The following NDST4 variants were observed in gnomAD, a reference collection of about 807,000 sequenced individuals.
NDST4 encodes N-deacetylase and N-sulfotransferase 4, also known as N-heparan sulfate sulfotransferase 4.
A neutral mutation model predicts 100.8 loss-of-function variants in NDST4; 63 were observed. That is an observed-to-expected ratio of 0.62 (90% CI 0.51 to 0.77). The LOEUF (loss-of-function observed/expected upper bound fraction) is 0.77, where lower values mean the gene tolerates loss of function less well. NDST4 is among the 30% of genes least tolerant of loss of function. NDST4 has a pLI of 0.00. For synonymous variants in NDST4, 377 were observed against 361.8 expected, an observed-to-expected ratio of 1.04 and a Z score of -0.48; for missense variants, 943 against 1,018.4, an observed-to-expected ratio of 0.93 and a Z score of 1.01.
chr4:115,035,324 T>C (rs1270813387), intron 2 of NDST4, among the ~76,000 whole-genome samples: 3 of 152,062 alleles, frequency 2.0e-5, no homozygotes, highest in Non-Finnish European at 4.4e-5. Context: ...AGATAGAATT[T>C]CATTATGTGA....
intron 2 of NDST4, among the ~76,000 whole-genome samples, chr4:115,029,137 A>C (rs1728053219): frequency 6.6e-6 from 1 of 152,142 alleles, no homozygotes; most frequent in African/African-American, 2.4e-5. Flanking sequence ...TTTCAAATCA[A>C]GGGTAGATTA....
At chr4:115,094,383 G>A (rs910846302) in intron 1 of NDST4, among the ~76,000 whole-genome samples, 2 of 152,010 alleles carry the variant, frequency 1.3e-5, no homozygotes, top group Admixed American at 6.6e-5. Context: ...AATGATAAGA[G>A]TAATAGCTGT....
Position 114,937,503 on chromosome 4 carries a change from C to G in NDST4, c.1222G>C (p.Glu408Gln), listed in dbSNP as rs1213882846. ...QMILNKEFAL[E>Q]HGIPINMGYA... ...CCCATGTTGATTGGTATTCCATGTT[C>G]CTAAAACAAAGCCAGAACAACATCA... The change falls in exon 5 of 14, where the codon GAA (glutamate) becomes CAA (glutamine). Residue 408 changes from glutamate to glutamine, a missense_variant and splice_region_variant. This residue lies in a region of NDST4 where 526 missense variants were observed against 634.1 expected (regional missense o/e 0.83). Coordinates refer to ENST00000264363, the MANE Select transcript of NDST4 (RefSeq NM_022569.3). The G allele has an allele frequency of 6.5e-7, 1 of 1,543,062 alleles. No individual in the cohort carries two copies. The highest frequency in any genetic ancestry group is 1.4e-5 in the African/African-American group (1 of 72,132).
intron 6 of NDST4, among the ~76,000 whole-genome samples, chr4:114,886,127 A>G (rs1412950695): frequency 6.6e-6 from 1 of 152,130 alleles, no homozygotes; most frequent in African/African-American, 2.4e-5. Flanking sequence ...TTTTTCTAAT[A>G]TATTTATAAT....
At chr4:114,843,039 A>T (rs1412366018) in intron 10 of NDST4, among the ~76,000 whole-genome samples, 7 of 152,106 alleles carry the variant, frequency 4.6e-5, no homozygotes, top group Non-Finnish European at 7.4e-5. Context: ...GTAGTACTAG[A>T]CTCATCAAAT....
intron 1 of NDST4, among the ~76,000 whole-genome samples, chr4:115,090,680 C>G (rs1729499645): frequency 6.6e-6 from 1 of 151,878 alleles, no homozygotes; most frequent in Non-Finnish European, 1.5e-5. Context: ...TTTTTCAACA[C>G]TAGAGGGCAA....
intron 1 of NDST4, among the ~76,000 whole-genome samples, chr4:115,092,506 G>A (rs144322177): frequency 3.0e-4 from 46 of 152,042 alleles, no homozygotes; most frequent in Middle Eastern, 6.8e-3. Context: ...TATAGAATAC[G>A]GTAATAATAA....
At chr4:115,012,116 T>C (rs978745280) in intron 2 of NDST4, among the ~76,000 whole-genome samples, 3 of 151,546 alleles carry the variant, frequency 2.0e-5, no homozygotes, top group African/African-American at 4.8e-5. Flanking sequence ...AATAAAACAA[T>C]AACAAAAAAT....
At chr4:115,081,744 C>A (rs1430970689) in intron 1 of NDST4, among the ~76,000 whole-genome samples, 2 of 152,184 alleles carry the variant, frequency 1.3e-5, no homozygotes, top group East Asian at 3.9e-4. Flanking sequence ...TAATTAGTTT[C>A]TTCTTCAGGA....
chr4:115,104,219 A>G (rs147363089), intron 1 of NDST4, among the ~76,000 whole-genome samples: 112 of 152,280 alleles, frequency 7.4e-4, no homozygotes, highest in African/African-American at 2.6e-3. Flanking sequence ...TATAGTTTAT[A>G]TCTTTTTACT....
chr4:115,022,920 G>A (rs1453103604), intron 2 of NDST4, among the ~76,000 whole-genome samples: 2 of 152,180 alleles, frequency 1.3e-5, no homozygotes, highest in African/African-American at 4.8e-5. Flanking sequence ...ACGTAGAACT[G>A]AAAGACCATT....
intron 2 of NDST4, among the ~76,000 whole-genome samples, chr4:114,987,074 T>A (rs1420553981): frequency 6.6e-6 from 1 of 151,860 alleles, no homozygotes; most frequent in Non-Finnish European, 1.5e-5. Flanking sequence ...TAGTTAGGAT[T>A]TCTTTGAAAA....
intron 6 of NDST4, among the ~76,000 whole-genome samples, chr4:114,924,498 T>A (rs570068361): frequency 1.3e-5 from 2 of 148,908 alleles, no homozygotes; most frequent in South Asian, 2.2e-4. Flanking sequence ...TGAGTGGAAA[T>A]AGAATTTTCC....
chr4:115,111,196 G>A (rs977430629), intron 1 of NDST4, among the ~76,000 whole-genome samples: 1 of 151,946 alleles, frequency 6.6e-6, no homozygotes, highest in Non-Finnish European at 1.5e-5. Flanking sequence ...GGGGACAACT[G>A]TTCTACTGGG....
At chr4:114,874,270 G>C (rs965754533) in intron 6 of NDST4, among the ~76,000 whole-genome samples, 1 of 152,064 alleles carries the variant, frequency 6.6e-6, no homozygotes, top group Non-Finnish European at 1.5e-5. Context: ...TTTCGCAGCA[G>C]ACTGGTTCTA....
intron 10 of NDST4, among the ~76,000 whole-genome samples, chr4:114,841,992 C>T (rs186514205): frequency 8.5e-5 from 13 of 152,168 alleles, no homozygotes; most frequent in Non-Finnish European, 1.6e-4. Flanking sequence ...TACTTGTTAT[C>T]CTACTCCACC....
At chr4:114,861,292 C>A (rs888699668) in intron 7 of NDST4, among the ~76,000 whole-genome samples, 8 of 152,190 alleles carry the variant, frequency 5.3e-5, no homozygotes, top group Non-Finnish European at 1.2e-4. Flanking sequence ...CCTAAATTAT[C>A]TGGACCTCAG....
At chr4:114,982,078 A>C (rs1726786823) in intron 2 of NDST4, among the ~76,000 whole-genome samples, 1 of 152,182 alleles carries the variant, frequency 6.6e-6, no homozygotes, top group African/African-American at 2.4e-5. Flanking sequence ...TTCTTTATAA[A>C]TGATCCAGTC....
chr4:114,852,729 T>G lies in NDST4; in HGVS notation c.1812A>C (p.Lys604Asn). 1 of 1,599,490 alleles carries G rather than the reference T, an allele frequency of 6.3e-7. No homozygotes were observed. The highest frequency in any genetic ancestry group is 1.7e-5 in the Admixed American group (1 of 59,792). The change falls in exon 8 of 14, where the codon AAA (lysine) becomes AAC (asparagine). Residue 604 changes from lysine to asparagine, a missense_variant. Lys to Asn is a moderately conservative substitution (Grantham distance 94). Coordinates refer to ENST00000264363, the MANE Select transcript of NDST4 (RefSeq NM_022569.3). The part of the protein sequence containing the change: ...LPKFLVIGPQ[K>N]TGTTALYLFL... Reference sequence around the variant, plus strand: ...AGCACAATTGGCTATTTTTACCTGTTTTTTGTGGACCAATTACTAGAAATT... The same window carrying G: ...AGCACAATTGGCTATTTTTACCTGTGTTTTGTGGACCAATTACTAGAAATT...
Sources: allele counts gnomAD v4.1 joint callset (sites outside exome capture counted in the v4.1 genomes callset), GRCh38; gene constraint gnomAD v4.1.1; regional missense constraint gnomAD v4.1.1; transcripts MANE v1.5; gene names NCBI Gene and HGNC (gene_info 2026-07-23, HGNC 2026-07-21).